Variants in TIMM23 observed in about 807,000 individuals in gnomAD.
TIMM23 encodes the protein mitochondrial import inner membrane translocase subunit Tim23.
In TIMM23, 19 loss-of-function variants were observed where a neutral mutation model predicts 30.7. That is an observed-to-expected ratio of 0.62 (90% CI 0.43 to 0.91). The LOEUF is 0.91. Ranked by LOEUF, TIMM23 falls within the 40% of genes least tolerant of loss-of-function variation. The pLI is 0.00. For synonymous variants in TIMM23, 78 were observed against 98.5 expected (o/e 0.79, Z 1.23); for missense variants, 202 against 269.2 (o/e 0.75, Z 1.75).
chr10:45,994,345 A>G (rs1304819808), intron 6 of TIMM23, among the ~76,000 whole-genome samples: 2 of 151,294 alleles, frequency 1.3e-5, no homozygotes, highest in African/African-American at 4.9e-5. Flanking sequence ...TCTCAAAAAA[A>G]TAAAAATAAA....
At chr10:45,991,544 G>T (rs1216491479) in intron 6 of TIMM23, among the ~76,000 whole-genome samples, 9 of 152,156 alleles carry the variant, frequency 5.9e-5, no homozygotes, top group Non-Finnish European at 8.8e-5. Context: ...CTGAGGTCAG[G>T]AGTTCAAGAC....
intron 5 of TIMM23, among the ~76,000 whole-genome samples, chr10:45,987,033 T>A (rs1381782100): frequency 4.6e-5 from 7 of 152,238 alleles, no homozygotes; most frequent in African/African-American, 1.7e-4. Flanking sequence ...TGAAAATGAT[T>A]CTTCTGGTTT....
rs1280326213 is a variant in TIMM23 at position 45,978,058 on chromosome 10, G to T, written c.165+2546G>T. On this transcript the variant is annotated intron_variant, in intron 2 of 6. Coordinates refer to ENST00000580018, the MANE Select transcript of TIMM23 (RefSeq NM_006327.4). ...AAAAAAAAATAAAAAAATAAATAAA[G>T]AATGGAAAAAGTCCTGGCGCAGTGG... 4.6e-5 allele frequency among the ~76,000 whole-genome samples: 7 copies of T among 151,886 alleles called. No individual in the cohort carries two copies. The East Asian group carries it at 5.8e-4, about 13-fold the overall frequency.
At position 45,981,503 on chromosome 10, in the gene TIMM23, T is replaced by C. The variant is rs1330481265; in HGVS notation, c.166-1020T>C. On this transcript the variant is annotated intron_variant, in intron 2 of 6. Transcript: ENST00000580018. Reference sequence around the variant, plus strand: ...ATTATTGCCCAACAGACCATTCTTATGTGATGAGAGTGGATGTGTTTGTTT... The same window carrying C: ...ATTATTGCCCAACAGACCATTCTTACGTGATGAGAGTGGATGTGTTTGTTT... Among the ~76,000 whole-genome samples the C allele has an allele frequency of 2.5e-3, 385 of 152,120 alleles. 1 individual carries two copies. Among genetic ancestry groups the C allele is most frequent in the African/African-American group, 8.6e-3 (357 of 41,470 alleles).
chr10:45,985,290 G>T (rs1191541688), intron 4 of TIMM23, 93 bp from the exon 5 acceptor site: 109 of 1,496,490 alleles, frequency 7.3e-5, no homozygotes, highest in Non-Finnish European at 9.6e-5. Context: ...TGCGCCCTGG[G>T]TCTAGACATG....
At chr10:45,983,140 G>T (rs1837893852) in intron 4 of TIMM23, among the ~76,000 whole-genome samples, 1 of 152,244 alleles carries the variant, frequency 6.6e-6, no homozygotes, top group African/African-American at 2.4e-5. Context: ...TTTAATCAGT[G>T]TCCCTCAGTC....
chr10:46,003,575 GTT>G lies in TIMM23; in HGVS notation c.*260_*261del. 3.2e-6 allele frequency: 1 copy of G among 311,118 alleles called. No homozygotes were observed. Among genetic ancestry groups the G allele is most frequent in the South Asian group, 5.8e-5 (1 of 17,382 alleles). The allele number at this position is 311,118 out of a possible 1,614,324, so 19.3% of individuals were successfully genotyped here. A position where few individuals can be genotyped will look rare whatever the true frequency, so the allele number is the denominator to read the frequency against. On this transcript the variant is annotated 3_prime_UTR_variant, in exon 7 of 7. Coordinates refer to ENST00000580018, the MANE Select transcript of TIMM23 (RefSeq NM_006327.4). ...TCCTCTGGAGATCTTGCACGTATCTGTTTTCCTCCCCCATGAACTAGAAAACC... is the reference window on the plus strand; with the variant it reads ...TCCTCTGGAGATCTTGCACGTATCTGTTCCTCCCCCATGAACTAGAAAACC...
rs75570565 is a variant in TIMM23 at position 45,982,783 on chromosome 10, A to T, written c.260-63A>T. The T allele has an allele frequency of 2.6e-3, 4,178 of 1,611,426 alleles. 29 individuals carry two copies. Among genetic ancestry groups the T allele is most frequent in the East Asian group, 0.014 (632 of 44,852 alleles). On this transcript the variant is annotated intron_variant, in intron 3 of 6. Coordinates refer to ENST00000580018, the MANE Select transcript of TIMM23 (RefSeq NM_006327.4). Reference sequence around the variant, plus strand: ...AAGAATCAGAAGTGTAGTTATGCAGATTTGAGTTTGTTTTTTTAATATAAA... The same window carrying T: ...AAGAATCAGAAGTGTAGTTATGCAGTTTTGAGTTTGTTTTTTTAATATAAA...
At position 46,003,638 on chromosome 10, in the gene TIMM23, C is replaced by G. The variant is rs1554918314; in HGVS notation, c.*320C>G. 1 of 222,276 alleles carries G rather than the reference C, an allele frequency of 4.5e-6. No individual in the cohort carries two copies. Among genetic ancestry groups the G allele is most frequent in the East Asian group, 1.1e-4 (1 of 8,740 alleles). The allele number at this position is 222,276 out of a possible 1,614,324, so 13.8% of individuals were successfully genotyped here. ...AGAATTCAGGTCGTGCTTGTTAGTA[C>G]TATATCACCAAGTCCATTCATTTAA... On this transcript the variant is annotated 3_prime_UTR_variant, in exon 7 of 7. Coordinates refer to ENST00000580018, the MANE Select transcript of TIMM23 (RefSeq NM_006327.4).
chr10:45,988,971 T>C, intron 6 of TIMM23, 124 bp downstream of exon 6: 1 of 812,938 alleles, frequency 1.2e-6, no homozygotes, highest in Non-Finnish European at 2.0e-6. Context: ...TTATGGTTAT[T>C]TTGGTTTGGT....
chr10:45,991,608 AGGTGT>A (rs1838164693), intron 6 of TIMM23, among the ~76,000 whole-genome samples: 2 of 151,998 alleles, frequency 1.3e-5, no homozygotes, highest in Admixed American at 6.6e-5. Context: ...AAAATTAGCC[AGGTGT>A]GGTGGCGCAT....
intron 6 of TIMM23, among the ~76,000 whole-genome samples, chr10:45,993,262 G>A (rs1383472981): frequency 5.8e-5 from 1 of 17,252 alleles, no homozygotes; most frequent in African/African-American, 2.2e-4. Context: ...TTTTTTTTTT[G>A]GAGACTGAGT....
intron 2 of TIMM23, among the ~76,000 whole-genome samples, chr10:45,982,144 C>T (rs1388261814): frequency 6.6e-6 from 1 of 152,172 alleles, no homozygotes; most frequent in Non-Finnish European, 1.5e-5. Context: ...TAGAAAAATG[C>T]ACAATAAATA....
At position 45,972,584 on chromosome 10, in the gene TIMM23, C is replaced by A. The variant is rs1554911909; in HGVS notation, c.-41C>A. 1 of 1,604,952 alleles carries A rather than the reference C, an allele frequency of 6.2e-7. No homozygotes were observed. Among genetic ancestry groups the A allele is most frequent in the South Asian group, 1.1e-5 (1 of 90,222 alleles). On this transcript the variant is annotated 5_prime_UTR_variant, in exon 1 of 7. Coordinates refer to ENST00000580018, the MANE Select transcript of TIMM23 (RefSeq NM_006327.4). ...GTAACGGCCCAGCGGACCACCCAGG[C>A]TTGAGGCAGCGGCGGGAACCACTCG... is the stretch of plus-strand genomic sequence containing the variant.
rs1462509137 is a variant in TIMM23 at position 45,973,687 on chromosome 10, A to T, written c.106+957A>T. Among the ~76,000 whole-genome samples, 1,042 of 152,152 alleles carry T rather than the reference A, an allele frequency of 6.8e-3. 12 individuals carry two copies. Among genetic ancestry groups the T allele is most frequent in the African/African-American group, 0.024 (982 of 41,520 alleles). ...GAGTCAGGACCTCGTTCTGTCACCCATATTGGGGTGCGGTGGCATGATTAT... is the reference window on the plus strand; with the variant it reads ...GAGTCAGGACCTCGTTCTGTCACCCTTATTGGGGTGCGGTGGCATGATTAT... On this transcript the variant is annotated intron_variant, in intron 1 of 6. Coordinates refer to ENST00000580018, the MANE Select transcript of TIMM23 (RefSeq NM_006327.4).
chr10:45,973,527 A>G (rs1260469012), intron 1 of TIMM23, among the ~76,000 whole-genome samples: 3 of 152,248 alleles, frequency 2.0e-5, no homozygotes, highest in African/African-American at 7.2e-5. Flanking sequence ...CTAAGGAACA[A>G]CAACAACGAA....
At position 46,003,260 on chromosome 10, in the gene TIMM23, A is replaced by G. The variant is rs377224560; in HGVS notation, c.572A>G (p.Tyr191Cys). 35 of 1,614,046 alleles carry G rather than the reference A, an allele frequency of 2.2e-5. No individual in the cohort carries two copies. The highest frequency in any genetic ancestry group is 2.6e-5 in the Non-Finnish European group (31 of 1,180,008). ...GLTGLTLTSL[Y>C]ALYNNWEHMK... is the part of the protein sequence containing the mutation. ...ACAGGACTAACACTTACCAGCCTCT[A>G]TGCACTATATAATAACTGGGAGCAC... Residue 191 changes from tyrosine to cysteine, a missense_variant, in exon 7 of 7, where the codon TAT becomes TGT. By Grantham distance (194) the Tyr-to-Cys change is radical. Transcript: ENST00000580018.
At chr10:45,992,642 C>T in intron 6 of TIMM23, 1 of 410,804 alleles carries the variant, frequency 2.4e-6, no homozygotes, top group Non-Finnish European at 4.8e-6. Flanking sequence ...ATTACAACCT[C>T]CACCTCCCGG....
chr10:45,983,186 C>G (rs1210932331), intron 4 of TIMM23, among the ~76,000 whole-genome samples: 6 of 152,242 alleles, frequency 3.9e-5, no homozygotes, highest in Non-Finnish European at 7.3e-5. Context: ...CTCAGCTGCA[C>G]CTGTTACATT....
Sources: gnomAD v4.1 joint callset for allele counts (sites outside exome capture counted in the v4.1 genomes callset) on GRCh38, gnomAD v4.1.1 for gene constraint, MANE v1.5 for transcripts, NCBI Gene and HGNC (gene_info 2026-07-23, HGNC 2026-07-21) for gene names.